IRS1: variants seen among roughly 807,000 people sequenced by gnomAD.
The protein encoded by IRS1 is insulin receptor substrate 1.
IRS1 carries 34 observed loss-of-function variants against 65.6 expected under a neutral mutation model. That is an observed-to-expected ratio of 0.52 (90% CI 0.39 to 0.69). The LOEUF is 0.69. IRS1 is among the 30% of genes least tolerant of loss of function. IRS1 has a pLI of 0.00. For missense variants in IRS1, 1,641 were observed against 1,720.2 expected (o/e 0.95, Z 0.81); for synonymous variants, 699 against 683.5 (o/e 1.02, Z -0.35).
At position 226,733,084 on chromosome 2, in the gene IRS1, G is replaced by C. The variant is rs771559427; in HGVS notation, c.*3188C>G. 1 of 152,004 alleles carries C rather than the reference G, an allele frequency of 6.6e-6. No individual in the cohort carries two copies. 9.4% of individuals were successfully genotyped at this position (152,004 alleles called of 1,614,324 possible). A position where few individuals can be genotyped will look rare whatever the true frequency, so the allele number is the denominator to read the frequency against. ...CTTTCCCCCCTTTTTTTAACCACCT[G>C]CAGTAAATAAATATAAAGTTTCCGA... On this transcript the variant is annotated 3_prime_UTR_variant, in exon 2 of 2. Transcript: ENST00000305123.
chr2:226,797,468 C>G lies in IRS1; in HGVS notation c.1271G>C (p.Gly424Ala). 1 of 1,613,654 alleles carries G rather than the reference C, an allele frequency of 6.2e-7. No individual in the cohort carries two copies. Among genetic ancestry groups the G allele is most frequent in the Non-Finnish European group, 8.5e-7 (1 of 1,179,976 alleles). The stretch of plus-strand genomic sequence containing the variant: ...GCCATACTCATCCGAGGAGATGAAA[C>G]CGCCATCGCTGGGGGAACCAGACAC... ...ASVSGSPSDG[G>A]FISSDEYGSS... The change falls in exon 1 of 2, where the codon GGT becomes GCT. Residue 424 changes from glycine to alanine, a missense_variant. Around this residue, in one of 3 missense-constraint regions of IRS1, gnomAD observed 1,324 missense variants for 1,361.0 expected, o/e 0.97. Coordinates refer to ENST00000305123, the MANE Select transcript of IRS1 (RefSeq NM_005544.3). This position sits in a 1 kb window ranked among gnomAD's most constrained non-coding sequence, Gnocchi z 8.1.
rs187944146 is a variant in IRS1 at position 226,759,426 on chromosome 2, A to G, written c.*22-23176T>C. ...TTTCAAGGATTTTGACACAGCCCCA[A>G]TGAACCATGGCAGAACCATGGCAGC... On this transcript the variant is annotated intron_variant, in intron 1 of 1. Coordinates refer to ENST00000305123, the MANE Select transcript of IRS1 (RefSeq NM_005544.3). Among the ~76,000 whole-genome samples, 32 of 152,364 alleles carry G rather than the reference A, an allele frequency of 2.1e-4. No homozygotes were observed. The East Asian group carries it at 5.4e-3, about 26-fold the overall frequency.
intron 1 of IRS1, among the ~76,000 whole-genome samples, chr2:226,769,735 T>G (rs998285118): frequency 2.0e-5 from 3 of 152,226 alleles, no homozygotes; most frequent in African/African-American, 7.2e-5. Context: ...AAACTTTCTA[T>G]TTATGACTCC....
At position 226,785,223 on chromosome 2, in the gene IRS1, G is replaced by A. The variant is rs565857166; in HGVS notation, c.*21+9766C>T. On this transcript the variant is annotated intron_variant, in intron 1 of 1. Coordinates refer to ENST00000305123, the MANE Select transcript of IRS1 (RefSeq NM_005544.3). ...GAACTAGTTATTCACTCAGTCTTGG[G>A]GGAATGAATGCCTAAGTACCATGAA... Among the ~76,000 whole-genome samples the A allele has an allele frequency of 7.4e-4, 113 of 152,188 alleles. No homozygotes were observed. In the South Asian group the frequency reaches 0.023, roughly 31 times the overall value.
Position 226,797,125 on chromosome 2 carries a change from C to G in IRS1, c.1614G>C (p.Lys538Asn). 1.9e-6 allele frequency: 3 copies of G among 1,613,850 alleles called. No homozygotes were observed. Among genetic ancestry groups the G allele is most frequent in the Non-Finnish European group, 2.5e-6 (3 of 1,180,016 alleles). ...AGTSPTITHQ[K>N]TPSQSSVASI... ...AAGCCACTGAGGACTGGGACGGGGT[C>G]TTCTGGTGGGTAATGGTAGGGGATG... Residue 538 changes from lysine (K) to asparagine (N), a missense_variant, in exon 1 of 2, where the codon AAG becomes AAC. By Grantham distance (94) the Lys-to-Asn change is moderately conservative. Coordinates refer to ENST00000305123, the MANE Select transcript of IRS1 (RefSeq NM_005544.3). The surrounding 1 kb of genome is among the most constrained non-coding windows in gnomAD (Gnocchi z 8.1).
chr2:226,743,375 G>A lies in IRS1; in HGVS notation c.*22-7125C>T, dbSNP rs10203149. Among the ~76,000 whole-genome samples the A allele has an allele frequency of 8.1e-3, 1,239 of 152,098 alleles. 23 individuals carry two copies. The highest frequency in any genetic ancestry group is 0.029 in the African/African-American group (1,184 of 41,480). On this transcript the variant is annotated intron_variant, in intron 1 of 1. Coordinates refer to ENST00000305123, the MANE Select transcript of IRS1 (RefSeq NM_005544.3). Reference sequence around the variant, plus strand: ...CTCCCAAGTAGCTGGGATTACAGGTGCACACCACCACACTTGGCTAATTTT... The same window carrying A: ...CTCCCAAGTAGCTGGGATTACAGGTACACACCACCACACTTGGCTAATTTT...
At chr2:226,793,328 G>A (rs531618989) in intron 1 of IRS1, among the ~76,000 whole-genome samples, 3 of 152,092 alleles carry the variant, frequency 2.0e-5, no homozygotes, top group Non-Finnish European at 4.4e-5. Flanking sequence ...TTACCAATGA[G>A]GCACTTTATA....
At chr2:226,785,642 C>T (rs925685462) in intron 1 of IRS1, among the ~76,000 whole-genome samples, 5 of 152,132 alleles carry the variant, frequency 3.3e-5, no homozygotes, top group Admixed American at 2.0e-4. Context: ...AAATAAGACA[C>T]ATTTCTTAAT....
chr2:226,759,390 G>A (rs1398963280), intron 1 of IRS1, among the ~76,000 whole-genome samples: 1 of 152,220 alleles, frequency 6.6e-6, no homozygotes, highest in Non-Finnish European at 1.5e-5. Context: ...CTGGGTTCTT[G>A]AGCCTGAAGT....
At chr2:226,775,627 A>C (rs1423492485) in intron 1 of IRS1, among the ~76,000 whole-genome samples, 1 of 152,238 alleles carries the variant, frequency 6.6e-6, no homozygotes, top group East Asian at 1.9e-4. Flanking sequence ...ATGACATCTC[A>C]GTAGCAACAA....
Position 226,796,855 on chromosome 2 carries a change from G to A in IRS1, c.1884C>T (p.Gly628=). 6.5e-7 allele frequency: 1 copy of A among 1,541,774 alleles called. No homozygotes were observed. Among genetic ancestry groups the A allele is most frequent in the Non-Finnish European group, 8.7e-7 (1 of 1,142,962 alleles). ...GGCTCATGGGCATATAGTCTCCACTGCCCTTTCGGCCACTGGGCACTGGGG... is the reference window on the plus strand; with the variant it reads ...GGCTCATGGGCATATAGTCTCCACTACCCTTTCGGCCACTGGGCACTGGGG... ...GVAPVPSGRK[G]SGDYMPMSPK... Residue 628 remains glycine (G), a synonymous_variant, in exon 1 of 2, where the codon GGC becomes GGT. Coordinates refer to ENST00000305123, the MANE Select transcript of IRS1 (RefSeq NM_005544.3).
In IRS1 at chr2:226,795,000, T is replaced by C. The variant is rs1216245758; in HGVS notation, c.*10A>G. On this transcript the variant is annotated 3_prime_UTR_variant, in exon 1 of 2. Transcript: ENST00000305123. This position sits in a 1 kb window ranked among gnomAD's most constrained non-coding sequence, Gnocchi z 4.1. ...ACCATGAAACGCACCTGCTGTGATG[T>C]CCAGTTGAGCTACTGACGGTCCTCT... is the stretch of plus-strand genomic sequence containing the variant. The C allele has an allele frequency of 1.2e-6, 2 of 1,613,248 alleles. No homozygotes were observed. Among genetic ancestry groups the C allele is most frequent in the East Asian group, 4.5e-5 (2 of 44,870 alleles).
chr2:226,738,233 G>A (rs1938367723), intron 1 of IRS1, among the ~76,000 whole-genome samples: 2 of 152,210 alleles, frequency 1.3e-5, no homozygotes, highest in Admixed American at 1.3e-4. Context: ...ATATATTAGG[G>A]TGGAGCAAAA....
intron 1 of IRS1, among the ~76,000 whole-genome samples, chr2:226,774,470 T>C (rs1939229910): frequency 6.6e-6 from 1 of 152,118 alleles, no homozygotes; most frequent in South Asian, 2.1e-4. Flanking sequence ...GTGGAGTTGG[T>C]TTGAAACACT....
At chr2:226,754,575 G>A (rs1199529621) in intron 1 of IRS1, among the ~76,000 whole-genome samples, 1 of 152,170 alleles carries the variant, frequency 6.6e-6, no homozygotes, top group African/African-American at 2.4e-5. Context: ...GGACAATTAG[G>A]ATTCAAAATC....
chr2:226,737,972 G>T lies in IRS1; in HGVS notation c.*22-1722C>A, dbSNP rs74440359. Among the ~76,000 whole-genome samples the T allele has an allele frequency of 4.6e-3, 701 of 152,292 alleles. 3 individuals are homozygous for T. The highest frequency in any genetic ancestry group is 0.016 in the African/African-American group (662 of 41,556). ...AGGGTGAGATGGTAGCCGTGAGCAG[G>T]CTCAAGTAGAGGATGTGGCTTCACT... On this transcript the variant is annotated intron_variant, in intron 1 of 1. Coordinates refer to ENST00000305123, the MANE Select transcript of IRS1 (RefSeq NM_005544.3).
chr2:226,782,181 A>G lies in IRS1; in HGVS notation c.*21+12808T>C, dbSNP rs1173596837. On this transcript the variant is annotated intron_variant, in intron 1 of 1. Transcript: ENST00000305123. ...GGACTGGAGCTGCCAAGATCACAAT[A>G]TAAATACCACCACGTTCAACTTTCA... 3.3e-5 allele frequency among the ~76,000 whole-genome samples: 5 copies of G among 152,078 alleles called. No homozygotes were observed. The East Asian group carries it at 7.7e-4, about 23-fold the overall frequency.
At chr2:226,773,381 G>C (rs370862276) in intron 1 of IRS1, among the ~76,000 whole-genome samples, 2 of 151,980 alleles carry the variant, frequency 1.3e-5, no homozygotes, top group African/African-American at 2.4e-5. Context: ...TATAAGGGAA[G>C]GTGTTTGAAA....
chr2:226,794,676 A>G lies in IRS1; in HGVS notation c.*21+313T>C, dbSNP rs1283928635. ...AGTGAAAAGAAAACTTCAACAAACAAATCAAGCTTCTTACGGAGGAACTCT... is the reference window on the plus strand; with the variant it reads ...AGTGAAAAGAAAACTTCAACAAACAGATCAAGCTTCTTACGGAGGAACTCT... On this transcript the variant is annotated intron_variant, in intron 1 of 1. Transcript: ENST00000305123. This position sits in a 1 kb window ranked among gnomAD's most constrained non-coding sequence, Gnocchi z 4.1. 1.3e-5 allele frequency among the ~76,000 whole-genome samples: 2 copies of G among 152,212 alleles called. No homozygotes were observed. Among genetic ancestry groups the G allele is most frequent in the African/African-American group, 4.8e-5 (2 of 41,436 alleles).
Sources: allele counts gnomAD v4.1 joint callset (sites outside exome capture counted in the v4.1 genomes callset), GRCh38; gene constraint gnomAD v4.1.1; regional missense constraint gnomAD v4.1.1; non-coding constraint Gnocchi (gnomAD v3.1); transcripts MANE v1.5; gene names NCBI Gene and HGNC (gene_info 2026-07-23, HGNC 2026-07-21).